B3GALT1: variants seen among roughly 807,000 people sequenced by gnomAD.
B3GALT1 encodes the protein beta-1,3-galactosyltransferase 1.
A neutral mutation model predicts 23.2 loss-of-function variants in B3GALT1; 10 were observed. That is an observed-to-expected ratio of 0.43 (90% CI 0.27 to 0.73). The LOEUF is 0.73. Among genes scored for constraint, B3GALT1 ranks in the 30% least tolerant of loss-of-function variants. B3GALT1 has a pLI of 0.21. For missense variants in B3GALT1, 299 were observed against 405.4 expected (o/e 0.74, Z 2.25); for synonymous variants, 156 against 141.5 (o/e 1.10, Z -0.73).
At chr2:167,558,295 A>C (rs1445092219) in intron 2 of B3GALT1, 1 of 152,228 alleles carries the variant, frequency 6.6e-6, no homozygotes, top group African/African-American at 2.4e-5. Context: ...AGAACCTTGA[A>C]GTTGATTATG....
At chr2:167,425,583 G>C (rs1016696245) in intron 1 of B3GALT1, among the ~76,000 whole-genome samples, 5 of 152,252 alleles carry the variant, frequency 3.3e-5, no homozygotes, top group Non-Finnish European at 7.3e-5. Context: ...ACCACTGCCA[G>C]ATTTGGGTTA....
intron 4 of B3GALT1, among the ~76,000 whole-genome samples, chr2:167,851,774 A>T (rs1689897568): frequency 6.6e-6 from 1 of 152,236 alleles, no homozygotes; most frequent in Non-Finnish European, 1.5e-5. Flanking sequence ...CAATTGTTCC[A>T]GGAACCATCG....
At chr2:167,676,455 C>T (rs1686426889) in intron 3 of B3GALT1, among the ~76,000 whole-genome samples, 1 of 151,504 alleles carries the variant, frequency 6.6e-6, no homozygotes, top group Admixed American at 6.6e-5. Flanking sequence ...TTTATCAACT[C>T]TTCCCATCTA....
chr2:167,317,174 C>T (rs181590154), intron 1 of B3GALT1, among the ~76,000 whole-genome samples: 28 of 152,122 alleles, frequency 1.8e-4, no homozygotes, highest in Admixed American at 2.6e-4. Flanking sequence ...GTGTTTATGT[C>T]GGAGGACAGA....
chr2:167,313,726 G>C (rs2177441), intron 1 of B3GALT1, among the ~76,000 whole-genome samples: 124,150 of 152,106 alleles, frequency 0.82, 51,709 homozygotes, highest in Non-Finnish European at 0.91. Flanking sequence ...TTCTGTTAAT[G>C]AGTTAGGTTC....
intron 2 of B3GALT1, among the ~76,000 whole-genome samples, chr2:167,524,835 C>G (rs1182544452): frequency 6.6e-6 from 1 of 152,152 alleles, no homozygotes; most frequent in Non-Finnish European, 1.5e-5. Context: ...TTCTTCCAGA[C>G]AACATATCAA....
chr2:167,480,966 CT>C (rs1699557169), intron 1 of B3GALT1, among the ~76,000 whole-genome samples: 1 of 152,202 alleles, frequency 6.6e-6, no homozygotes, highest in Admixed American at 6.5e-5. Flanking sequence ...TCCACCTTCA[CT>C]GTGGCCTTGA....
chr2:167,668,355 G>T (rs894826597), intron 3 of B3GALT1, among the ~76,000 whole-genome samples: 2 of 152,148 alleles, frequency 1.3e-5, no homozygotes, highest in Non-Finnish European at 2.9e-5. Flanking sequence ...TCTCTTCAAA[G>T]CTGTCAGACA....
At chr2:167,671,030 G>A (rs1686316580) in intron 3 of B3GALT1, among the ~76,000 whole-genome samples, 2 of 152,042 alleles carry the variant, frequency 1.3e-5, no homozygotes, top group Non-Finnish European at 2.9e-5. Flanking sequence ...AAGGAGCAGG[G>A]ATGGCTACAC....
At chr2:167,848,088 A>G (rs1210075350) in intron 4 of B3GALT1, among the ~76,000 whole-genome samples, 2 of 152,148 alleles carry the variant, frequency 1.3e-5, no homozygotes, top group East Asian at 3.9e-4. Context: ...CGAAATTAAA[A>G]TGGTAATTTA....
intron 1 of B3GALT1, among the ~76,000 whole-genome samples, chr2:167,325,892 A>G (rs113327304): frequency 0.014 from 2,095 of 151,272 alleles, 57 homozygotes; most frequent in African/African-American, 0.048. Flanking sequence ...TAATTTTTCT[A>G]TTTTTAGTAG....
At chr2:167,839,632 C>G (rs1689586483) in intron 4 of B3GALT1, among the ~76,000 whole-genome samples, 1 of 152,234 alleles carries the variant, frequency 6.6e-6, no homozygotes, top group Admixed American at 6.5e-5. Context: ...CAATGCCATC[C>G]CCATCAAGCT....
chr2:167,740,846 AC>A (rs938243798), intron 3 of B3GALT1, among the ~76,000 whole-genome samples: 3 of 152,104 alleles, frequency 2.0e-5, no homozygotes, highest in African/African-American at 7.2e-5. Context: ...TATACAACCA[AC>A]CACACTTTAG....
chr2:167,851,621 C>G (rs575806555), intron 4 of B3GALT1, among the ~76,000 whole-genome samples: 2 of 152,328 alleles, frequency 1.3e-5, no homozygotes, highest in African/African-American at 4.8e-5. Flanking sequence ...AATAATAAGG[C>G]TATTGGAATA....
chr2:167,461,290 A>G (rs953835205), intron 1 of B3GALT1, among the ~76,000 whole-genome samples: 1 of 152,238 alleles, frequency 6.6e-6, no homozygotes, highest in Non-Finnish European at 1.5e-5. Context: ...GCTAATAGCC[A>G]AAATTGACCA....
At chr2:167,542,738 T>C (rs1436197387) in intron 2 of B3GALT1, among the ~76,000 whole-genome samples, 1 of 151,892 alleles carries the variant, frequency 6.6e-6, no homozygotes, top group African/African-American at 2.4e-5. Context: ...ATGCATAGTT[T>C]ACATAGAATG....
At chr2:167,810,630 A>G (rs796764984) in intron 3 of B3GALT1, among the ~76,000 whole-genome samples, 13 of 151,026 alleles carry the variant, frequency 8.6e-5, no homozygotes, top group African/African-American at 3.2e-4. Context: ...GTGTATTACA[A>G]AGTACGTCAT....
chr2:167,418,202 A>C (rs1186201514), intron 1 of B3GALT1, among the ~76,000 whole-genome samples: 1 of 152,212 alleles, frequency 6.6e-6, no homozygotes, highest in East Asian at 1.9e-4. Flanking sequence ...TACAGATCCC[A>C]GTCCCTGTGC....
chr2:167,858,339 C>G (rs1487250110), intron 4 of B3GALT1, among the ~76,000 whole-genome samples: 6 of 120,676 alleles, frequency 5.0e-5, no homozygotes, highest in Non-Finnish European at 1.0e-4. Flanking sequence ...TGAACAAGAG[C>G]GAAGTAAAAA....
Sources: allele counts gnomAD v4.1 joint callset (sites outside exome capture counted in the v4.1 genomes callset), GRCh38; gene constraint gnomAD v4.1.1; transcripts MANE v1.5; gene names NCBI Gene and HGNC (gene_info 2026-07-23, HGNC 2026-07-21).